TMIE: variants seen among roughly 807,000 people sequenced by gnomAD.
TMIE encodes the protein transmembrane inner ear.
TMIE carries 14 observed loss-of-function variants against 16.8 expected under a neutral mutation model. The ratio of observed to expected loss-of-function variants is 0.83; its 90% CI spans 0.55 to 1.30. The LOEUF (loss-of-function observed/expected upper bound fraction) is 1.30, where lower values mean the gene tolerates loss of function less well. Ranked by LOEUF, TMIE falls within the 50% of genes most tolerant of loss-of-function variation. The pLI, the probability that TMIE is intolerant of heterozygous loss-of-function variation, is 0.00. For synonymous variants in TMIE, 75 were observed against 87.2 expected (o/e 0.86, Z 0.78); for missense variants, 204 against 205.9 (o/e 0.99, Z 0.06).
At chr3:46,706,767 G>C (rs1312380216) in intron 2 of TMIE, among the ~76,000 whole-genome samples, 1 of 152,218 alleles carries the variant, frequency 6.6e-6, no homozygotes, top group Non-Finnish European at 1.5e-5. Flanking sequence ...GAGAGGGGAT[G>C]TGAGCAGAGG....
At position 46,701,438 on chromosome 3, in the gene TMIE, C is replaced by T; in HGVS notation, c.-50C>T. 1 of 1,395,550 alleles carries T rather than the reference C, an allele frequency of 7.2e-7. No homozygotes were observed. The highest frequency in any genetic ancestry group is 9.4e-7 in the Non-Finnish European group (1 of 1,063,588). The allele number at this position is 1,395,550 out of a possible 1,614,324, so 86.4% of individuals were successfully genotyped here. ...GCCGGCTGGCAGGGGCAGTGACCGG[C>T]GGCCGGCCCGTTCGTCCCTGGGCTC... is the stretch of plus-strand genomic sequence containing the variant. On this transcript the variant is annotated 5_prime_UTR_variant, in exon 1 of 4. Transcript: ENST00000643606. This position sits in a 1 kb window ranked among gnomAD's most constrained non-coding sequence, Gnocchi z 4.3.
At position 46,709,573 on chromosome 3, in the gene TMIE, C is replaced by T; in HGVS notation, c.362-6C>T. The T allele has an allele frequency of 1.3e-6, 2 of 1,584,328 alleles. No homozygotes were observed. The highest frequency in any genetic ancestry group is 1.7e-6 in the Non-Finnish European group (2 of 1,171,540). On this transcript the variant is annotated splice_region_variant and splice_polypyrimidine_tract_variant and intron_variant, in intron 3 of 3. Coordinates refer to ENST00000643606, the MANE Select transcript of TMIE (RefSeq NM_147196.3). ...TATCACATGGTCTCTTCCCCCTGCC[C>T]CACAGAGGATAAGAAGAAGAAGAAG...
At chr3:46,694,331 A>G (rs1423675258), upstream of TMIE, among the ~76,000 whole-genome samples, 2 of 152,182 alleles carry the variant, frequency 1.3e-5, no homozygotes, top group African/African-American at 4.8e-5. Flanking sequence ...AGACCTTGGA[A>G]AGGGTGGCTG....
chr3:46,707,663 TC>T (rs1700568758), intron 2 of TMIE, among the ~76,000 whole-genome samples: 1 of 152,126 alleles, frequency 6.6e-6, no homozygotes, highest in Non-Finnish European at 1.5e-5. Context: ...TCTTTGCATC[TC>T]CCCTTCTTTG....
intron 1 of TMIE, among the ~76,000 whole-genome samples, chr3:46,702,539 G>A (rs1365036383): frequency 6.6e-6 from 1 of 152,164 alleles, no homozygotes; most frequent in Non-Finnish European, 1.5e-5. Context: ...GCCAGGGCCA[G>A]GGAGGAGCAG....
intron 2 of TMIE, among the ~76,000 whole-genome samples, chr3:46,707,795 G>A (rs1700570586): frequency 6.6e-6 from 1 of 152,232 alleles, no homozygotes; most frequent in Admixed American, 6.5e-5. Flanking sequence ...GCCTCCCGGG[G>A]CCTGGGACCA....
rs1423528544 is a variant in TMIE at position 46,705,847 on chromosome 3, T to C, written c.151T>C (p.Phe51Leu). The C allele has an allele frequency of 1.6e-5, 26 of 1,613,952 alleles. No individual in the cohort carries two copies. Among genetic ancestry groups the C allele is most frequent in the Non-Finnish European group, 2.1e-5 (25 of 1,180,036 alleles). Residue 51 changes from phenylalanine (F) to leucine (L), a missense_variant, in exon 2 of 4, where the codon TTC becomes CTC. Transcript: ENST00000643606. ...PPPLTKETVVFWDMRLWHVVG... is the reference protein window; with the variant it reads ...PPPLTKETVVLWDMRLWHVVG... The stretch of plus-strand genomic sequence containing the variant: ...TCCGCTGACCAAGGAGACAGTGGTG[T>C]TCTGGGACATGCGCCTGTGGCACGT...
At chr3:46,704,554 A>G in intron 1 of TMIE, among the ~76,000 whole-genome samples, 1 of 133,292 alleles carries the variant, frequency 7.5e-6, no homozygotes, top group Non-Finnish European at 1.6e-5. Flanking sequence ...CGCCCAGGGC[A>G]GGACCATGTC....
upstream of TMIE, among the ~76,000 whole-genome samples, chr3:46,697,232 G>A (rs1415099846): frequency 6.6e-6 from 1 of 152,196 alleles, no homozygotes; most frequent in African/African-American, 2.4e-5. Context: ...GGGCCTCAGG[G>A]CAGGCCCCAG....
chr3:46,708,302 C>T (rs1204154077), intron 2 of TMIE, among the ~76,000 whole-genome samples: 6 of 152,224 alleles, frequency 3.9e-5, no homozygotes, highest in Non-Finnish European at 8.8e-5. Context: ...GTTAATCCTC[C>T]GTGGGCCCTT....
chr3:46,707,342 A>G (rs918290317), intron 2 of TMIE, among the ~76,000 whole-genome samples: 1 of 152,216 alleles, frequency 6.6e-6, no homozygotes, highest in Non-Finnish European at 1.5e-5. Context: ...GCACTTGGAC[A>G]TCAACCACAC....
At chr3:46,709,443 AT>A in intron 3 of TMIE, 135 bp from the exon 4 acceptor site, 1 of 1,605,852 alleles carries the variant, frequency 6.2e-7, no homozygotes, top group Non-Finnish European at 8.5e-7. Context: ...AAATAGAACG[AT>A]GAGCCTATTC....
rs778336238 is a variant in TMIE at position 46,709,303 on chromosome 3, T to C, written c.361+28T>C. 2.5e-5 allele frequency: 40 copies of C among 1,613,234 alleles called. No individual in the cohort carries two copies. In the Admixed American group the frequency reaches 5.2e-4, roughly 21 times the overall value. ...GAGTTGGCCCTGGCTTGAGCCCTGC[T>C]GCGCCAGCCAGTTCCTCAGTCCTGC... On this transcript the variant is annotated intron_variant, in intron 3 of 3. Coordinates refer to ENST00000643606, the MANE Select transcript of TMIE (RefSeq NM_147196.3).
intron 1 of TMIE, among the ~76,000 whole-genome samples, chr3:46,695,845 C>G (rs1700407392): frequency 6.6e-6 from 1 of 152,178 alleles, no homozygotes. Flanking sequence ...GGGCAGCAGA[C>G]CAGTCCTTCC....
Position 46,709,634 on chromosome 3 carries a change from C to G in TMIE, c.417C>G (p.Ile139Met). 5 of 1,613,720 alleles carry G rather than the reference C, an allele frequency of 3.1e-6. No individual in the cohort carries two copies. The highest frequency in any genetic ancestry group is 3.4e-6 in the Non-Finnish European group (4 of 1,179,894). ...AGGACAGTGTGGACACAGTGGCCAT[C>G]AAAGTAGAGGAGGATGAGAAGAATG... is the stretch of plus-strand genomic sequence containing the variant. ...KKKDSVDTVAIKVEEDEKNEA... is the reference protein window; with the variant it reads ...KKKDSVDTVAMKVEEDEKNEA... Residue 139 changes from isoleucine to methionine, a missense_variant, in exon 4 of 4, where the codon ATC (isoleucine) becomes ATG (methionine). Coordinates refer to ENST00000643606, the MANE Select transcript of TMIE (RefSeq NM_147196.3).
upstream of TMIE, among the ~76,000 whole-genome samples, chr3:46,697,143 G>A (rs1318796968): frequency 6.6e-6 from 1 of 152,130 alleles, no homozygotes; most frequent in East Asian, 1.9e-4. Context: ...CCCATGTGGT[G>A]TTAGGTATTG....
At chr3:46,701,390 G>T, upstream of TMIE, 3 of 974,764 alleles carry the variant, frequency 3.1e-6, no homozygotes, top group Non-Finnish European at 4.3e-6. This position sits in a 1 kb window ranked among gnomAD's most constrained non-coding sequence, Gnocchi z 4.3. Context: ...ACTACCCGTG[G>T]CCAAAGCCCG....
Position 46,709,308 on chromosome 3 carries a change from C to T in TMIE, c.361+33C>T, listed in dbSNP as rs372263291. ...GGCCCTGGCTTGAGCCCTGCTGCGCCAGCCAGTTCCTCAGTCCTGCTGCCT... is the reference window on the plus strand; with the variant it reads ...GGCCCTGGCTTGAGCCCTGCTGCGCTAGCCAGTTCCTCAGTCCTGCTGCCT... On this transcript the variant is annotated intron_variant, in intron 3 of 3. Transcript: ENST00000643606. The T allele has an allele frequency of 3.3e-4, 529 of 1,613,518 alleles. 1 individual carries two copies. In the Middle Eastern group the frequency reaches 4.9e-3, roughly 15 times the overall value.
At chr3:46,706,090 G>A (rs183511424) in intron 2 of TMIE, among the ~76,000 whole-genome samples, 183 bp downstream of exon 2, 317 of 152,362 alleles carry the variant, frequency 2.1e-3, no homozygotes, top group African/African-American at 6.9e-3. Flanking sequence ...CTGACAGGCC[G>A]GTGGTGACCT....
Sources: gnomAD v4.1 joint callset for allele counts (sites outside exome capture counted in the v4.1 genomes callset) on GRCh38, gnomAD v4.1.1 for gene constraint, Gnocchi (gnomAD v3.1) non-coding constraint, MANE v1.5 for transcripts, NCBI Gene and HGNC (gene_info 2026-07-23, HGNC 2026-07-21) for gene names.